ZNF248: variants seen among roughly 807,000 people sequenced by gnomAD.
ZNF248 encodes KRAB protein domain.
In ZNF248, 20 loss-of-function variants were observed where a neutral mutation model predicts 44.3. That is an observed-to-expected ratio of 0.45 (90% confidence interval 0.32 to 0.66). The LOEUF (loss-of-function observed/expected upper bound fraction) is 0.66. ZNF248 is among the 30% of genes least tolerant of loss of function. ZNF248 has a pLI of 0.04. For missense variants in ZNF248, 654 were observed against 677.0 expected (o/e 0.97, Z 0.38); for synonymous variants, 224 against 229.0 (o/e 0.98, Z 0.20).
In ZNF248 at chr10:37,801,370, C is replaced by T. The variant is rs571994114; in HGVS notation, c.331-24795G>A. On this transcript the variant is annotated intron_variant, in intron 6 of 6. Transcript: ENST00000615949. ...CAGCCTGGGTGACACAGCAAGACTC[C>T]GTCTCAAAAAAAAAACATTATATTG... 2.5e-4 allele frequency among the ~76,000 whole-genome samples: 38 copies of T among 150,788 alleles called. No homozygotes were observed. In the South Asian group the frequency reaches 4.4e-3, roughly 17 times the overall value.
chr10:37,857,020 A>C (rs1281006296), intron 1 of ZNF248, 165 bp downstream of exon 1: 1 of 152,320 alleles, frequency 6.6e-6, no homozygotes, highest in Non-Finnish European at 1.5e-5. Flanking sequence ...AGGCCAAGAG[A>C]GGAGGAAGCT....
chr10:37,820,700 T>G, intron 6 of ZNF248: 1 of 1,358,690 alleles, frequency 7.4e-7, no homozygotes, highest in Non-Finnish European at 1.1e-6. Context: ...AGTCTCTACT[T>G]CTTTATCACT....
At chr10:37,822,219 G>C (rs907815531) in intron 6 of ZNF248, among the ~76,000 whole-genome samples, 1 of 152,144 alleles carries the variant, frequency 6.6e-6, no homozygotes, top group East Asian at 1.9e-4. Context: ...ACATGGTCTG[G>C]AGCGGTCTTA....
the ZNF248 span, among the ~76,000 whole-genome samples, chr10:37,767,958 A>G: frequency 1.3e-5 from 2 of 152,200 alleles, no homozygotes; most frequent in Non-Finnish European, 2.9e-5. Flanking sequence ...GAAACAAAAA[A>G]AGGGAGGGGT....
the ZNF248 span, among the ~76,000 whole-genome samples, chr10:37,759,741 C>T: frequency 6.6e-6 from 1 of 152,320 alleles, no homozygotes; most frequent in South Asian, 2.1e-4. Context: ...CCCAAAGGCT[C>T]AATATTGTCT....
intron 3 of ZNF248, among the ~76,000 whole-genome samples, chr10:37,843,005 A>G (rs2058628886): frequency 6.6e-6 from 1 of 152,208 alleles, no homozygotes; most frequent in South Asian, 2.1e-4. Context: ...ACCCCAGCGC[A>G]GAGTCAATGT....
At chr10:37,764,233 C>T in the ZNF248 span, among the ~76,000 whole-genome samples, 1 of 152,132 alleles carries the variant, frequency 6.6e-6, no homozygotes, top group Admixed American at 6.6e-5. Flanking sequence ...GTCTGTCTTT[C>T]ATGGTTGAAG....
the ZNF248 span, among the ~76,000 whole-genome samples, chr10:37,766,054 T>C: frequency 0.064 from 9,808 of 152,340 alleles, 434 homozygotes; most frequent in Non-Finnish European, 0.1. Flanking sequence ...GCAGCAACGC[T>C]GCGGGAGGGG....
Position 37,832,101 on chromosome 10 carries a change from G to C in ZNF248, c.1254C>G (p.Cys418Trp). 1 of 1,613,680 alleles carries C rather than the reference G, an allele frequency of 6.2e-7. No individual in the cohort carries two copies. Among genetic ancestry groups the C allele is most frequent in the Non-Finnish European group, 8.5e-7 (1 of 1,179,880 alleles). ...YECTECGKAFCQKPHLTNHQR... is the reference protein window; with the variant it reads ...YECTECGKAFWQKPHLTNHQR... ...GATGGTTGGTCAGGTGTGGTTTCTG[G>C]CAAAAGGCTTTCCCACATTCAGTAC... Residue 418 changes from cysteine to tryptophan, a missense_variant, in exon 6 of 6, where the codon TGC becomes TGG. Physicochemically the swap from Cys to Trp is radical, Grantham distance 215. Transcript: ENST00000395867.
intron 5 of ZNF248, among the ~76,000 whole-genome samples, chr10:37,836,771 TACAC>T (rs72082671): frequency 0.21 from 30,616 of 147,930 alleles, 3,296 homozygotes; most frequent in East Asian, 0.41. Flanking sequence ...CACAGACATG[TACAC>T]ACACACACAC....
At position 37,851,873 on chromosome 10, in the gene ZNF248, G is replaced by T. The variant is rs146005370; in HGVS notation, c.15+4423C>A. ...CAGTGGCTAGCGGAAATATAAAATG[G>T]CATGTTCACAGCAGTTTTATTTTTC... On this transcript the variant is annotated intron_variant, in intron 3 of 5. Coordinates refer to ENST00000395867, the MANE Select transcript of ZNF248 (RefSeq NM_021045.3). 9.6e-4 allele frequency among the ~76,000 whole-genome samples: 145 copies of T among 150,858 alleles called. 1 individual carries two copies. Among genetic ancestry groups the T allele is most frequent in the African/African-American group, 3.2e-3 (133 of 41,036 alleles).
chr10:37,831,183 T>C lies in ZNF248; in HGVS notation c.*432A>G. 1 of 1,535,556 alleles carries C rather than the reference T, an allele frequency of 6.5e-7. No homozygotes were observed. On this transcript the variant is annotated 3_prime_UTR_variant, in exon 6 of 6. Coordinates refer to ENST00000395867, the MANE Select transcript of ZNF248 (RefSeq NM_021045.3). ...TCTTCTCCTTATGATCATGTTGAGT[T>C]CCAATATACAAATCAAGCATACTCA...
intron 6 of ZNF248, chr10:37,795,962 G>A (rs906596086): frequency 2.0e-5 from 3 of 152,072 alleles, no homozygotes; most frequent in Non-Finnish European, 1.5e-5. Context: ...TAGAATAGAA[G>A]AAAATTAATC....
In ZNF248 at chr10:37,781,569, T is replaced by TCAGTTAATCTGTTAACC. The variant is rs751484962; in HGVS notation, c.331-5011_331-4995dup. 6.6e-3 allele frequency among the ~76,000 whole-genome samples: 998 copies of TCAGTTAATCTGTTAACC among 152,314 alleles called. 14 individuals carry two copies. Among genetic ancestry groups the TCAGTTAATCTGTTAACC allele is most frequent in the South Asian group, 0.059 (282 of 4,816 alleles). ...CTCAGTACACCCCTTAGCCGTTAAT[T>TCAGTTAATCTGTTAACC]CAGTTAATCTGTTAACCCAGTCTGG... On this transcript the variant is annotated intron_variant, in intron 6 of 6. Transcript: ENST00000615949.
At chr10:37,838,482 T>A (rs1010842529) in intron 3 of ZNF248, among the ~76,000 whole-genome samples, 21 of 152,230 alleles carry the variant, frequency 1.4e-4, no homozygotes, top group African/African-American at 4.3e-4. Context: ...ACCTTTTACA[T>A]TATCAAGTTA....
chr10:37,834,735 T>C (rs1252869289), intron 5 of ZNF248, among the ~76,000 whole-genome samples: 1 of 152,158 alleles, frequency 6.6e-6, no homozygotes, highest in Non-Finnish European at 1.5e-5. Context: ...AGTGAAATAA[T>C]AAGCCATTAC....
intron 3 of ZNF248, among the ~76,000 whole-genome samples, chr10:37,851,159 G>A (rs576314484): frequency 5.8e-4 from 88 of 152,256 alleles, no homozygotes; most frequent in Admixed American, 1.4e-3. Flanking sequence ...CCCAAAATAT[G>A]AAGAATTGTT....
At chr10:37,853,986 T>C (rs554679668) in intron 3 of ZNF248, among the ~76,000 whole-genome samples, 1 of 152,288 alleles carries the variant, frequency 6.6e-6, no homozygotes, top group East Asian at 1.9e-4. Context: ...AGATACCTTG[T>C]GGGGTTCAGA....
chr10:37,776,203 G>C, downstream of ZNF248: 1 of 178,120 alleles, frequency 5.6e-6, no homozygotes, highest in Non-Finnish European at 1.2e-5. Flanking sequence ...GCTATGCCCA[G>C]TGATCTCTCC....
Sources: gnomAD v4.1 joint callset for allele counts (sites outside exome capture counted in the v4.1 genomes callset) on GRCh38, gnomAD v4.1.1 for gene constraint, MANE v1.5 for transcripts, NCBI Gene and HGNC (gene_info 2026-07-23, HGNC 2026-07-21) for gene names.